Variants in TRA2A observed in about 807,000 individuals in gnomAD.
TRA2A encodes transformer-2 protein homolog alpha.
Under a neutral mutation model 45.7 loss-of-function variants are expected in TRA2A, and 31 were observed. The observed-to-expected ratio is 0.68, with a 90% CI of 0.51 to 0.92. The LOEUF (loss-of-function observed/expected upper bound fraction) is 0.92. Among genes scored for constraint, TRA2A ranks in the 40% least tolerant of loss-of-function variants. TRA2A has a pLI of 0.00. For synonymous variants in TRA2A, 132 were observed against 126.2 expected (o/e 1.05, Z -0.31); for missense variants, 304 against 367.5 (o/e 0.83, Z 1.41).
In TRA2A at chr7:23,507,508, G is replaced by A; in HGVS notation, c.553C>T (p.Leu185=). 6.2e-7 allele frequency: 1 copy of A among 1,614,108 alleles called. No homozygotes were observed. Among genetic ancestry groups the A allele is most frequent in the Non-Finnish European group, 8.5e-7 (1 of 1,180,010 alleles). The part of the protein sequence containing the change: ...EAMERANGME[L]DGRRIRVDYS... ...TCCACCCGAATTCTTCTACCATCCA[G>A]CTCCATTCCATTTGCCCTTTCCATA... The change falls in exon 5 of 8, where the codon CTG becomes TTG. Residue 185 remains leucine, a synonymous_variant. Coordinates refer to ENST00000297071, the MANE Select transcript of TRA2A (RefSeq NM_013293.5).
At chr7:23,507,131 T>C (rs902152701) in intron 5 of TRA2A, 3 of 338,762 alleles carry the variant, frequency 8.9e-6, no homozygotes, top group African/African-American at 6.3e-5. Context: ...TACTTATGTT[T>C]TTTTTCTTTT....
At chr7:23,530,844 A>T (rs1229881940) in intron 1 of TRA2A, among the ~76,000 whole-genome samples, 1 of 152,196 alleles carries the variant, frequency 6.6e-6, no homozygotes, top group Non-Finnish European at 1.5e-5. Flanking sequence ...GTATATACTG[A>T]CTAGTTATCT....
At chr7:23,517,143 G>A (rs1007362841) in intron 2 of TRA2A, among the ~76,000 whole-genome samples, 3 of 151,188 alleles carry the variant, frequency 2.0e-5, no homozygotes, top group African/African-American at 7.3e-5. Flanking sequence ...GCTAAGTGCA[G>A]TGATGTGTGC....
chr7:23,521,685 G>C, intron 2 of TRA2A, 22 bp downstream of exon 2: 2 of 1,612,572 alleles, frequency 1.2e-6, no homozygotes, highest in Non-Finnish European at 1.7e-6. Flanking sequence ...AATATTTTAA[G>C]TATTATCTTA....
chr7:23,511,232 A>C (rs1250159412), intron 4 of TRA2A, among the ~76,000 whole-genome samples: 1 of 151,774 alleles, frequency 6.6e-6, no homozygotes, highest in Non-Finnish European at 1.5e-5. Context: ...TTAGCTGGAC[A>C]TGGTGGCGGG....
chr7:23,521,913 A>T, intron 1 of TRA2A, 73 bp from the exon 2 acceptor site: 1 of 1,583,468 alleles, frequency 6.3e-7, no homozygotes, highest in Non-Finnish European at 8.6e-7. Context: ...AAAGTACCGT[A>T]ATTATTTATA....
intron 1 of TRA2A, 68 bp downstream of exon 1, chr7:23,531,719 CCG>C: frequency 6.3e-7 from 1 of 1,583,356 alleles, no homozygotes; most frequent in Non-Finnish European, 8.6e-7. Context: ...CCCCGCCCGA[CCG>C]CGCTTGTTCC....
rs1790611764 is a variant in TRA2A at position 23,531,974 on chromosome 7, A to C, written c.-150T>G. Reference sequence around the variant, plus strand: ...CCACTCCCACTCGGTCGCAGGCTCCAGCAAAATGGCGCCGGCGCCGCCAGA... The same window carrying C: ...CCACTCCCACTCGGTCGCAGGCTCCCGCAAAATGGCGCCGGCGCCGCCAGA... On this transcript the variant is annotated 5_prime_UTR_variant, in exon 1 of 8. Coordinates refer to ENST00000297071, the MANE Select transcript of TRA2A (RefSeq NM_013293.5). 1 of 794,894 alleles carries C rather than the reference A, an allele frequency of 1.3e-6. No homozygotes were observed. Among genetic ancestry groups the C allele is most frequent in the Non-Finnish European group, 2.0e-6 (1 of 501,316 alleles). 49.2% of individuals were successfully genotyped at this position (794,894 alleles called of 1,614,324 possible). A position where few individuals can be genotyped will look rare whatever the true frequency, so the allele number is the denominator to read the frequency against.
chr7:23,510,153 C>G (rs1183424781), intron 4 of TRA2A, among the ~76,000 whole-genome samples: 2 of 152,092 alleles, frequency 1.3e-5, no homozygotes, highest in Non-Finnish European at 2.9e-5. Context: ...ATACAACATG[C>G]CTGTGTTAGC....
chr7:23,517,503 A>AAAAG lies in TRA2A; in HGVS notation c.171-976_171-975insCTTT, dbSNP rs764849438. On this transcript the variant is annotated intron_variant, in intron 2 of 7. Transcript: ENST00000297071. ...AAAAAAAAAAAAAAAAAAAAAAAAA[A>AAAAG]AGAGAGAAAGAAAGAAAAATCACTT... Among the ~76,000 whole-genome samples, 220 of 116,122 alleles carry AAAAG rather than the reference A, an allele frequency of 1.9e-3. 2 individuals are homozygous for AAAAG. Among genetic ancestry groups the AAAAG allele is most frequent in the Non-Finnish European group, 2.5e-3 (138 of 55,932 alleles). The allele number at this position is 116,122 out of a possible 152,430, so 76.2% of individuals were successfully genotyped here.
chr7:23,520,209 C>T (rs1311399140), intron 2 of TRA2A, among the ~76,000 whole-genome samples: 1 of 152,182 alleles, frequency 6.6e-6, no homozygotes, highest in Non-Finnish European at 1.5e-5. Context: ...GAGCGAGACT[C>T]CATCTCAAAA....
chr7:23,531,084 G>A (rs1790562788), intron 1 of TRA2A: 1 of 271,124 alleles, frequency 3.7e-6, no homozygotes, highest in Non-Finnish European at 5.7e-6. Context: ...TGAAAGGAAA[G>A]TCGAAGGGAC....
chr7:23,529,473 T>C (rs1305540478), intron 1 of TRA2A, among the ~76,000 whole-genome samples: 2 of 152,106 alleles, frequency 1.3e-5, no homozygotes, highest in Non-Finnish European at 2.9e-5. Context: ...TTGGGCAGGC[T>C]AGTCTCGAAC....
At chr7:23,511,126 C>T (rs1197510562) in intron 4 of TRA2A, among the ~76,000 whole-genome samples, 1 of 151,872 alleles carries the variant, frequency 6.6e-6, no homozygotes, top group Non-Finnish European at 1.5e-5. Flanking sequence ...AATTCCAACA[C>T]CTTGGGAGGC....
At chr7:23,511,775 G>C (rs1336814327) in intron 4 of TRA2A, among the ~76,000 whole-genome samples, 6 of 152,100 alleles carry the variant, frequency 3.9e-5, no homozygotes, top group Admixed American at 3.9e-4. Flanking sequence ...TGTTAGAATA[G>C]CACTATTTCA....
chr7:23,531,903 G>C lies in TRA2A; in HGVS notation c.-79C>G, dbSNP rs1227197737. On this transcript the variant is annotated 5_prime_UTR_variant, in exon 1 of 8. Transcript: ENST00000297071. ...CGATGGCCTAATTAACCCGCTGACT[G>C]GACCGTGGGGAAGAGGAAAGAGTCG... 6.6e-6 allele frequency: 10 copies of C among 1,507,066 alleles called. No homozygotes were observed. In the African/African-American group the frequency reaches 1.4e-4, roughly 21 times the overall value. The allele number at this position is 1,507,066 out of a possible 1,614,324, so 93.4% of individuals were successfully genotyped here. A position where few individuals can be genotyped will look rare whatever the true frequency, so the allele number is the denominator to read the frequency against.
chr7:23,531,469 C>G (rs1277316206), intron 1 of TRA2A: 1 of 386,140 alleles, frequency 2.6e-6, no homozygotes, highest in African/African-American at 2.1e-5. Flanking sequence ...CCAACCGCGA[C>G]GGGGACCCAC....
intron 7 of TRA2A, 22 bp from the exon 8 acceptor site, chr7:23,505,591 A>G (rs1484216837): frequency 3.4e-6 from 2 of 583,196 alleles, no homozygotes; most frequent in Non-Finnish European, 6.1e-6. Flanking sequence ...AAAGCAAAAA[A>G]AAAAAAAAAA....
chr7:23,530,149 T>G (rs1790510946), intron 1 of TRA2A, among the ~76,000 whole-genome samples: 1 of 152,170 alleles, frequency 6.6e-6, no homozygotes, highest in East Asian at 1.9e-4. Flanking sequence ...ACTCAACATT[T>G]TCAAAACAAG....
Sources: gnomAD v4.1 joint callset for allele counts (sites outside exome capture counted in the v4.1 genomes callset) on GRCh38, gnomAD v4.1.1 for gene constraint, MANE v1.5 for transcripts, NCBI Gene and HGNC (gene_info 2026-07-23, HGNC 2026-07-21) for gene names.